The following SPOPL variants were observed in gnomAD, a reference collection of about 807,000 sequenced individuals.
The protein encoded by SPOPL is speckle type BTB/POZ protein like.
Under a neutral mutation model 53.8 loss-of-function variants are expected in SPOPL, and 23 were observed. The observed-to-expected ratio is 0.43, with a 90% CI of 0.31 to 0.61. SPOPL has a LOEUF of 0.61. SPOPL is among the 20% of genes least tolerant of loss of function. The pLI is 0.12. For missense variants in SPOPL, 442 were observed against 466.9 expected (o/e 0.95, Z 0.49); for synonymous variants, 164 against 149.7 (o/e 1.10, Z -0.70).
At chr2:138,552,527 T>C (rs759990003) in intron 4 of SPOPL, 27 bp from the exon 5 acceptor site, 5 of 1,587,096 alleles carry the variant, frequency 3.2e-6, no homozygotes, top group South Asian at 1.2e-5. Flanking sequence ...ATTTATTTTA[T>C]TTAAACTCTA....
At chr2:138,558,776 A>C (rs1685480858) in intron 5 of SPOPL, among the ~76,000 whole-genome samples, 1 of 152,160 alleles carries the variant, frequency 6.6e-6, no homozygotes, top group Admixed American at 6.5e-5. Flanking sequence ...ATAATCAAGC[A>C]TTCTAACCAA....
intron 1 of SPOPL, among the ~76,000 whole-genome samples, chr2:138,540,954 G>A (rs1022009980): frequency 2.0e-5 from 3 of 151,970 alleles, no homozygotes; most frequent in African/African-American, 2.4e-5. Flanking sequence ...TAGCATGAAG[G>A]GTTGTTGAAT....
At chr2:138,543,808 G>GCTCT in intron 1 of SPOPL, among the ~76,000 whole-genome samples, 1 of 152,250 alleles carries the variant, frequency 6.6e-6, no homozygotes, top group East Asian at 1.9e-4. Context: ...GAGGAGAGGC[G>GCTCT]CTCTGATTTT....
chr2:138,544,067 T>C (rs1685134651), intron 1 of SPOPL, among the ~76,000 whole-genome samples: 1 of 152,134 alleles, frequency 6.6e-6, no homozygotes, highest in Non-Finnish European at 1.5e-5. Context: ...GAACAGCAGA[T>C]GTTGCTGCCT....
At chr2:138,527,002 A>G (rs1684690563) in intron 1 of SPOPL, among the ~76,000 whole-genome samples, 1 of 152,226 alleles carries the variant, frequency 6.6e-6, no homozygotes, top group Admixed American at 6.5e-5. Flanking sequence ...CAGGGATTAC[A>G]GGCAGCAGCC....
chr2:138,560,952 C>A, intron 8 of SPOPL, 25 bp downstream of exon 8: 1 of 1,593,172 alleles, frequency 6.3e-7, no homozygotes, highest in South Asian at 1.2e-5. Flanking sequence ...CTTAAGGAAC[C>A]AAAATATACC....
At chr2:138,519,544 T>C (rs953021827) in intron 1 of SPOPL, among the ~76,000 whole-genome samples, 1 of 152,102 alleles carries the variant, frequency 6.6e-6, no homozygotes, top group East Asian at 1.9e-4. Flanking sequence ...AAATGAAATA[T>C]TGTATGTGAA....
At chr2:138,546,979 T>C (rs1685209098) in intron 1 of SPOPL, among the ~76,000 whole-genome samples, 1 of 152,204 alleles carries the variant, frequency 6.6e-6, no homozygotes, top group South Asian at 2.1e-4. Flanking sequence ...TTTTATTTTA[T>C]TTTTGAGATG....
chr2:138,560,898 G>A lies in SPOPL; in HGVS notation c.808G>A (p.Ala270Thr), dbSNP rs1325459120. Reference protein sequence around the residue: ...TGRAPNLDKMADNLLAAADKY... With the variant: ...TGRAPNLDKMTDNLLAAADKY... ...GAGAGCACCAAACCTTGACAAAATGGCTGACAACTTGTTGGCAGCTGCAGA... is the reference window on the plus strand; with the variant it reads ...GAGAGCACCAAACCTTGACAAAATGACTGACAACTTGTTGGCAGCTGCAGA... The change falls in exon 8 of 11, where the codon GCT becomes ACT. Residue 270 changes from alanine (A) to threonine (T), a missense_variant. Ala to Thr is a moderately conservative substitution (Grantham distance 58). Transcript: ENST00000280098. 1.2e-6 allele frequency: 2 copies of A among 1,609,794 alleles called. No individual in the cohort carries two copies. Among genetic ancestry groups the A allele is most frequent in the South Asian group, 1.1e-5 (1 of 89,686 alleles).
intron 1 of SPOPL, among the ~76,000 whole-genome samples, chr2:138,536,613 C>T (rs1256626340): frequency 6.6e-6 from 1 of 152,094 alleles, no homozygotes; most frequent in African/African-American, 2.4e-5. Flanking sequence ...AAATTTCTTC[C>T]GAATCCAGGT....
chr2:138,532,420 C>CTTTTTTTTTTTTTTTTT (rs769229731), intron 1 of SPOPL, among the ~76,000 whole-genome samples: 1 of 53,222 alleles, frequency 1.9e-5, no homozygotes, highest in Non-Finnish European at 3.4e-5. Context: ...TTTTTGTTCG[C>CTTTTTTTTTTTTTTTTT]TTTTTTTTTT....
intron 1 of SPOPL, among the ~76,000 whole-genome samples, chr2:138,529,996 C>T (rs1044535453): frequency 1.3e-5 from 2 of 152,094 alleles, no homozygotes; most frequent in African/African-American, 4.8e-5. Context: ...TAATAGGCCC[C>T]TGTGTATGTT....
At chr2:138,517,462 C>T (rs1407011394) in intron 1 of SPOPL, among the ~76,000 whole-genome samples, 1 of 152,128 alleles carries the variant, frequency 6.6e-6, no homozygotes, top group South Asian at 2.1e-4. Context: ...TATTTCTTGC[C>T]GGGTGCGGTG....
At chr2:138,525,516 T>C (rs1217129064) in intron 1 of SPOPL, among the ~76,000 whole-genome samples, 1 of 152,088 alleles carries the variant, frequency 6.6e-6, no homozygotes, top group African/African-American at 2.4e-5. Flanking sequence ...TAATAGTGCT[T>C]TTTTAAAAAT....
intron 1 of SPOPL, among the ~76,000 whole-genome samples, chr2:138,540,955 G>A (rs144826780): frequency 0.021 from 3,257 of 152,126 alleles, 62 homozygotes; most frequent in Non-Finnish European, 0.032. Context: ...AGCATGAAGG[G>A]TTGTTGAATT....
At position 138,569,200 on chromosome 2, in the gene SPOPL, T is replaced by C; in HGVS notation, c.*120T>C. 1 of 1,121,378 alleles carries C rather than the reference T, an allele frequency of 8.9e-7. No homozygotes were observed. Among genetic ancestry groups the C allele is most frequent in the Non-Finnish European group, 1.3e-6 (1 of 784,414 alleles). The allele number at this position is 1,121,378 out of a possible 1,614,324, so 69.5% of individuals were successfully genotyped here. On this transcript the variant is annotated 3_prime_UTR_variant, in exon 11 of 11. Coordinates refer to ENST00000280098, the MANE Select transcript of SPOPL (RefSeq NM_001001664.3). ...GTTATTTTGTCCACAGAACAGAAGCTGAAAAAGCATATTGCTTGCATTTCA... is the reference window on the plus strand; with the variant it reads ...GTTATTTTGTCCACAGAACAGAAGCCGAAAAAGCATATTGCTTGCATTTCA...
Position 138,569,208 on chromosome 2 carries a change from C to G in SPOPL, c.*128C>G. On this transcript the variant is annotated 3_prime_UTR_variant, in exon 11 of 11. Transcript: ENST00000280098. ...GTCCACAGAACAGAAGCTGAAAAAGCATATTGCTTGCATTTCAGGTGGATA... is the reference window on the plus strand; with the variant it reads ...GTCCACAGAACAGAAGCTGAAAAAGGATATTGCTTGCATTTCAGGTGGATA... The G allele has an allele frequency of 9.6e-7, 1 of 1,039,624 alleles. No homozygotes were observed. The highest frequency in any genetic ancestry group is 1.4e-6 in the Non-Finnish European group (1 of 713,434). 64.4% of individuals were successfully genotyped at this position (1,039,624 alleles called of 1,614,324 possible).
At chr2:138,534,646 A>C (rs1684888759) in intron 1 of SPOPL, among the ~76,000 whole-genome samples, 1 of 152,162 alleles carries the variant, frequency 6.6e-6, no homozygotes, top group Non-Finnish European at 1.5e-5. Context: ...TACTTTTTTA[A>C]AAAGTACAGT....
At chr2:138,541,595 A>G (rs1237603959) in intron 1 of SPOPL, among the ~76,000 whole-genome samples, 2 of 152,116 alleles carry the variant, frequency 1.3e-5, no homozygotes, top group Non-Finnish European at 2.9e-5. Flanking sequence ...TATCCCCTTT[A>G]TCATTTTTTA....
Sources: gnomAD v4.1 joint callset for allele counts (sites outside exome capture counted in the v4.1 genomes callset) on GRCh38, gnomAD v4.1.1 for gene constraint, MANE v1.5 for transcripts, NCBI Gene and HGNC (gene_info 2026-07-23, HGNC 2026-07-21) for gene names.